Variants in SDSL observed in about 807,000 individuals in gnomAD.
SDSL encodes serine dehydratase-like.
A neutral mutation model predicts 27.6 loss-of-function variants in SDSL; 26 were observed. That is an observed-to-expected ratio of 0.94 (90% confidence interval 0.69 to 1.31). SDSL has a LOEUF of 1.31. SDSL is among the 50% of genes most tolerant of loss of function. The probability of loss-of-function intolerance (pLI) is 0.00; values close to 1 mark genes in which losing one functional copy is unlikely to be tolerated. For missense variants in SDSL, 431 were observed against 423.5 expected (o/e 1.02, Z -0.16); for synonymous variants, 196 against 180.6 (o/e 1.09, Z -0.69).
In SDSL at chr12:113,436,745, C is replaced by T. The variant is rs1957999766; in HGVS notation, c.672-6C>T. The T allele has an allele frequency of 6.2e-7, 1 of 1,603,036 alleles. No homozygotes were observed. Among genetic ancestry groups the T allele is most frequent in the East Asian group, 2.2e-5 (1 of 44,772 alleles). The stretch of plus-strand genomic sequence containing the variant: ...TCTCCCTGCCCCACCCTGCTCTATC[C>T]TGCAGTGTGGCCAAGAGCCTGGGTG... On this transcript the variant is annotated splice_polypyrimidine_tract_variant and splice_region_variant and intron_variant, in intron 6 of 7. Transcript: ENST00000403593.
intron 1 of SDSL, chr12:113,425,926 G>T (rs1957844245): frequency 5.4e-6 from 2 of 371,206 alleles, no homozygotes; most frequent in South Asian, 4.0e-5. Flanking sequence ...GAGGCAGAGG[G>T]TGCAGTGAGC....
chr12:113,428,438 A>G lies in SDSL; in HGVS notation c.193A>G (p.Arg65Gly), dbSNP rs760304225. 6.2e-7 allele frequency: 1 copy of G among 1,612,440 alleles called. No individual in the cohort carries two copies. Among genetic ancestry groups the G allele is most frequent in the South Asian group, 1.1e-5 (1 of 90,782 alleles). The change falls in exon 3 of 8, where the codon AGA becomes GGA. Residue 65 changes from arginine (R) to glycine (G), a missense_variant. By Grantham distance (125) the Arg-to-Gly change is moderately radical. Coordinates refer to ENST00000403593, the MANE Select transcript of SDSL (RefSeq NM_001304993.2). ...FCQEMAKKGC[R>G]HLVCSSGGNA... ...TTCCCAGATGGCCAAGAAGGGATGC[A>G]GACACCTGGTGTGCTCCTCAGGTGA...
chr12:113,432,273 T>TTTC (rs1957940156), intron 4 of SDSL, among the ~76,000 whole-genome samples: 1 of 133,684 alleles, frequency 7.5e-6, no homozygotes, highest in African/African-American at 2.9e-5. Context: ...TCTTTCTTTC[T>TTTC]TTCTTTCTTT....
chr12:113,438,143 GA>G lies in SDSL; in HGVS notation c.*65del. ...ATGGACAGTCCTGTGTCTGGATGAG[GA>G]GGACTCAGTGCTGGCAGATGGCAGT... On this transcript the variant is annotated 3_prime_UTR_variant, in exon 8 of 8. Coordinates refer to ENST00000403593, the MANE Select transcript of SDSL (RefSeq NM_001304993.2). The G allele has an allele frequency of 7.1e-7, 1 of 1,399,052 alleles. No individual in the cohort carries two copies. Among genetic ancestry groups the G allele is most frequent in the Non-Finnish European group, 9.8e-7 (1 of 1,019,858 alleles). The allele number at this position is 1,399,052 out of a possible 1,614,324, so 86.7% of individuals were successfully genotyped here. A position where few individuals can be genotyped will look rare whatever the true frequency, so the allele number is the denominator to read the frequency against.
rs1053286181 is a variant in SDSL at position 113,435,409 on chromosome 12, G to A, written c.524G>A (p.Gly175Asp). Residue 175 changes from glycine (G) to aspartate (D), a missense_variant, in exon 6 of 8, where the codon GGT (glycine) becomes GAT (aspartate). Transcript: ENST00000403593. ...GGTGCCCTGGTGCTGGCAGTTGGGGGTGGGGGTCTCCTGGCCGGGGTGGTG... is the reference window on the plus strand; with the variant it reads ...GGTGCCCTGGTGCTGGCAGTTGGGGATGGGGGTCTCCTGGCCGGGGTGGTG... ...PPGALVLAVG[G>D]GGLLAGVVAG... The A allele has an allele frequency of 3.1e-6, 5 of 1,612,354 alleles. No individual in the cohort carries two copies. In the African/African-American group the frequency reaches 5.3e-5, roughly 17 times the overall value.
At chr12:113,428,834 G>A (rs1162650647) in intron 3 of SDSL, among the ~76,000 whole-genome samples, 4 of 151,902 alleles carry the variant, frequency 2.6e-5, no homozygotes, top group Admixed American at 2.6e-4. Flanking sequence ...TGGCCACCAG[G>A]AATTCCAGCC....
intron 4 of SDSL, among the ~76,000 whole-genome samples, chr12:113,433,549 G>A (rs142567825): frequency 6.6e-6 from 1 of 152,208 alleles, no homozygotes; most frequent in East Asian, 1.9e-4. Context: ...GGGAAGGGAA[G>A]AAAGCCTGTC....
chr12:113,429,369 C>T (rs1593311191), intron 4 of SDSL, 70 bp downstream of exon 4: 1 of 1,493,854 alleles, frequency 6.7e-7, no homozygotes, highest in South Asian at 1.2e-5. Flanking sequence ...ACCCCTAAGA[C>T]ATCCTGTCTC....
chr12:113,430,588 A>G (rs1957909854), intron 4 of SDSL, among the ~76,000 whole-genome samples: 1 of 152,128 alleles, frequency 6.6e-6, no homozygotes, highest in Non-Finnish European at 1.5e-5. Flanking sequence ...AAGAGGGGTG[A>G]GAAGAAACGC....
intron 1 of SDSL, chr12:113,425,834 A>G (rs1461110901): frequency 7.2e-6 from 3 of 413,902 alleles, no homozygotes; most frequent in Non-Finnish European, 1.4e-5. Flanking sequence ...CAAAAAATAC[A>G]AAAAATTAAT....
intron 4 of SDSL, among the ~76,000 whole-genome samples, chr12:113,432,274 T>TTCTCTCTCTCTCTC: frequency 1.1e-5 from 1 of 89,360 alleles, no homozygotes; most frequent in African/African-American, 4.1e-5. Context: ...CTTTCTTTCT[T>TTCTCTCTCTCTCTC]TCTTTCTTTC....
Position 113,429,267 on chromosome 12 carries a change from G to T in SDSL, c.322G>T (p.Gly108Trp). 2 of 1,613,150 alleles carry T rather than the reference G, an allele frequency of 1.2e-6. No individual in the cohort carries two copies. Among genetic ancestry groups the T allele is most frequent in the Non-Finnish European group, 1.7e-6 (2 of 1,179,234 alleles). Residue 108 changes from glycine to tryptophan, a missense_variant, in exon 4 of 8, where the codon GGG (glycine) becomes TGG (tryptophan). Transcript: ENST00000403593. ...CCTGCAGGTGGTGCAGAGGCTGCAG[G>T]GGGAGGGGGCCGAGGTTCAGCTGAC... ...TSLQVVQRLQGEGAEVQLTGK... is the reference protein window; with the variant it reads ...TSLQVVQRLQWEGAEVQLTGK...
Position 113,428,394 on chromosome 12 carries a change from G to A in SDSL, c.175-26G>A, listed in dbSNP as rs140649236. The A allele has an allele frequency of 7.5e-5, 120 of 1,606,960 alleles. No individual in the cohort carries two copies. In the East Asian group the frequency reaches 2.1e-3, roughly 28 times the overall value. ...TTCATGACACCTGCTTGGGTTAGCC[G>A]CTAACCCCATTCCTTCTCTTCCCAG... On this transcript the variant is annotated intron_variant, in intron 2 of 7. Transcript: ENST00000403593.
rs148823336 is a variant in SDSL at position 113,429,187 on chromosome 12, A to G, written c.242A>G (p.Tyr81Cys). 9.3e-6 allele frequency: 15 copies of G among 1,613,632 alleles called. No individual in the cohort carries two copies. The African/African-American group carries it at 2.0e-4, about 22-fold the overall frequency. The change falls in exon 4 of 8, where the codon TAT becomes TGT. Residue 81 changes from tyrosine (Y) to cysteine (C), a missense_variant. By Grantham distance (194) the Tyr-to-Cys change is radical. Transcript: ENST00000403593. ...SGGNAGIAAA[Y>C]AARKLGIPAT... ...GGTAATGCGGGCATCGCTGCTGCCT[A>G]TGCTGCTAGGAAGCTGGGCATTCCT...
chr12:113,432,261 T>TTTCTTTCTTTTTTTC (rs1565879114), intron 4 of SDSL, among the ~76,000 whole-genome samples: 8 of 142,368 alleles, frequency 5.6e-5, no homozygotes, highest in African/African-American at 2.2e-4. Context: ...TCTTTCTTTC[T>TTTCTTTCTTTTTTTC]TTCTTTCTTT....
intron 6 of SDSL, among the ~76,000 whole-genome samples, chr12:113,436,474 G>A (rs984327116): frequency 3.3e-5 from 5 of 152,144 alleles, no homozygotes; most frequent in Admixed American, 3.3e-4. Flanking sequence ...TTTTAGTAGA[G>A]ACGGGGTTTC....
At chr12:113,423,280 G>A (rs1957812117) in intron 1 of SDSL, among the ~76,000 whole-genome samples, 1 of 152,372 alleles carries the variant, frequency 6.6e-6, no homozygotes, top group East Asian at 1.9e-4. Context: ...GATAACACTA[G>A]TATATTAGAG....
chr12:113,436,479 G>T (rs1957995368), intron 6 of SDSL, among the ~76,000 whole-genome samples: 1 of 152,018 alleles, frequency 6.6e-6, no homozygotes, highest in Non-Finnish European at 1.5e-5. Context: ...GTAGAGACGG[G>T]GTTTCACCAT....
intron 1 of SDSL, chr12:113,425,918 G>A (rs892748670): frequency 5.4e-6 from 2 of 371,936 alleles, no homozygotes; most frequent in Admixed American, 3.3e-5. Context: ...GAACCCGGGA[G>A]GCAGAGGGTG....
Sources: gnomAD v4.1 joint callset for allele counts (sites outside exome capture counted in the v4.1 genomes callset) on GRCh38, gnomAD v4.1.1 for gene constraint, MANE v1.5 for transcripts, NCBI Gene and HGNC (gene_info 2026-07-23, HGNC 2026-07-21) for gene names.